The following SSBP3 variants were observed in gnomAD, a reference collection of about 807,000 sequenced individuals.
SSBP3 encodes the protein single-stranded DNA-binding protein 3.
In SSBP3, 5 loss-of-function variants were observed where a neutral mutation model predicts 69.6. The ratio of observed to expected loss-of-function variants is 0.07; its 90% confidence interval spans 0.04 to 0.15. SSBP3 has a LOEUF of 0.15. Ranked by LOEUF, SSBP3 falls within the 10% of genes least tolerant of loss-of-function variation. SSBP3 has a pLI of 1.00. For synonymous variants in SSBP3, 196 were observed against 193.4 expected (o/e 1.01, Z -0.11); for missense variants, 312 against 534.0 (o/e 0.58, Z 4.10).
chr1:54,296,434 A>G (rs1334406518), intron 4 of SSBP3, among the ~76,000 whole-genome samples: 3 of 152,216 alleles, frequency 2.0e-5, no homozygotes, highest in Non-Finnish European at 1.5e-5. Context: ...GGCCATTGCC[A>G]TGGTCCTCTC....
upstream of SSBP3, among the ~76,000 whole-genome samples, chr1:54,407,267 G>T (rs1358320713): frequency 1.3e-5 from 2 of 152,228 alleles, no homozygotes; most frequent in African/African-American, 2.4e-5. Context: ...TTCTGCACGG[G>T]AAAGGGTGCC....
intron 14 of SSBP3, chr1:54,237,945 G>A (rs1038063012): frequency 3.3e-5 from 12 of 363,432 alleles, no homozygotes; most frequent in Middle Eastern, 9.9e-4. Flanking sequence ...GATCATCCAC[G>A]CCATTTCCAT....
chr1:54,262,227 G>A (rs1260998672), intron 5 of SSBP3, among the ~76,000 whole-genome samples: 2 of 152,210 alleles, frequency 1.3e-5, no homozygotes, highest in Non-Finnish European at 2.9e-5. Flanking sequence ...ACTCCTCGCA[G>A]TAAGGGATCA....
chr1:54,242,653 A>G (rs1294044310), intron 10 of SSBP3, among the ~76,000 whole-genome samples: 1 of 152,118 alleles, frequency 6.6e-6, no homozygotes, highest in Non-Finnish European at 1.5e-5. Flanking sequence ...GGGGGTTATA[A>G]TAATAACCGC....
At chr1:54,378,388 T>C (rs1647352809) in intron 4 of SSBP3, among the ~76,000 whole-genome samples, 1 of 152,170 alleles carries the variant, frequency 6.6e-6, no homozygotes, top group Admixed American at 6.5e-5. Flanking sequence ...GCGTCCATAT[T>C]TCTGGGCCAC....
intron 4 of SSBP3, among the ~76,000 whole-genome samples, chr1:54,389,253 ATT>A (rs1361219881): frequency 6.6e-6 from 1 of 152,162 alleles, no homozygotes; most frequent in East Asian, 1.9e-4. Flanking sequence ...TAAATAAAAT[ATT>A]TTCAAGCCTG....
intron 14 of SSBP3, among the ~76,000 whole-genome samples, chr1:54,233,661 T>C (rs1238376051): frequency 8.0e-6 from 1 of 125,346 alleles, no homozygotes; most frequent in African/African-American, 3.1e-5. Flanking sequence ...CCGCCCCTAC[T>C]GGGAAGTGAG....
At chr1:54,345,519 A>G (rs1026935311) in intron 4 of SSBP3, among the ~76,000 whole-genome samples, 1 of 152,190 alleles carries the variant, frequency 6.6e-6, no homozygotes, top group African/African-American at 2.4e-5. Flanking sequence ...AGCTGGCCTC[A>G]AAAGTAATAG....
intron 4 of SSBP3, among the ~76,000 whole-genome samples, chr1:54,384,480 G>A (rs1647931497): frequency 6.6e-6 from 1 of 152,254 alleles, no homozygotes; most frequent in Non-Finnish European, 1.5e-5. Context: ...CCAAGCGTCA[G>A]GGCCTCAGTT....
At position 54,360,114 on chromosome 1, in the gene SSBP3, C is replaced by T. The variant is rs547638821; in HGVS notation, c.276+41747G>A. On this transcript the variant is annotated intron_variant, in intron 4 of 17. Coordinates refer to ENST00000610401, the Ensembl canonical transcript of SSBP3. ...TAAGCCAACCAAGTATCTTTTCTCT[C>T]GGTTTTGGAATCAATTACATAACTT... Among the ~76,000 whole-genome samples the T allele has an allele frequency of 3.9e-5, 6 of 152,310 alleles. No homozygotes were observed. The South Asian group carries it at 6.2e-4, about 16-fold the overall frequency.
chr1:54,225,499 A>G, exon 18 of SSBP3: 3 of 1,113,644 alleles, frequency 2.7e-6, no homozygotes, highest in Middle Eastern at 4.8e-4. Flanking sequence ...ACAATGTATC[A>G]TAATTACTTT....
At position 54,316,674 on chromosome 1, in the gene SSBP3, AAAT is replaced by A. The variant is rs1186993057; in HGVS notation, c.277-35150_277-35148del. ...AAAAAAAAAAATAAAATAAATAAAT[AAAT>A]AAATAAATAAATAAATAAATAAATA... is the stretch of plus-strand genomic sequence containing the variant. On this transcript the variant is annotated intron_variant, in intron 4 of 17. Coordinates refer to ENST00000610401, the Ensembl canonical transcript of SSBP3. Among the ~76,000 whole-genome samples, 17 of 94,356 alleles carry A rather than the reference AAAT, an allele frequency of 1.8e-4. 1 individual carries two copies. The East Asian group carries it at 2.8e-3, about 15-fold the overall frequency. The allele number at this position is 94,356 out of a possible 152,430, so 61.9% of individuals were successfully genotyped here. A position where few individuals can be genotyped will look rare whatever the true frequency, so the allele number is the denominator to read the frequency against.
intron 15 of SSBP3, 46 bp downstream of exon 15, chr1:54,228,702 G>C (rs778735580): frequency 4.5e-6 from 7 of 1,547,678 alleles, no homozygotes; most frequent in Non-Finnish European, 6.1e-6. Context: ...GCACAGAGCT[G>C]GCTGCCCAGG....
At chr1:54,299,689 T>G (rs532956253) in intron 4 of SSBP3, among the ~76,000 whole-genome samples, 2 of 152,218 alleles carry the variant, frequency 1.3e-5, no homozygotes, top group Non-Finnish European at 2.9e-5. Flanking sequence ...ACCACCCCAG[T>G]GTCTGCCTTC....
intron 4 of SSBP3, among the ~76,000 whole-genome samples, chr1:54,369,312 T>TGGGGGGGGAGGGGGGG (rs60597425): frequency 2.8e-4 from 12 of 42,848 alleles, no homozygotes; most frequent in South Asian, 9.8e-4. Context: ...GGGACGGGGG[T>TGGGGGGGGAGGGGGGG]GGGGGGGCAC....
intron 5 of SSBP3, among the ~76,000 whole-genome samples, chr1:54,276,297 C>A (rs1046409881): frequency 5.9e-5 from 9 of 152,198 alleles, no homozygotes; most frequent in South Asian, 4.2e-4. Flanking sequence ...CTCTGTCACG[C>A]AGCATCCATC....
At chr1:54,380,563 C>T (rs773654471) in intron 4 of SSBP3, among the ~76,000 whole-genome samples, 1 of 152,202 alleles carries the variant, frequency 6.6e-6, no homozygotes, top group East Asian at 1.9e-4. Flanking sequence ...ACAGCTCTGG[C>T]CAGGGCCAGC....
At position 54,404,840 on chromosome 1, in the gene SSBP3, G is replaced by C. The variant is rs776532430; in HGVS notation, c.129+18C>G. ...GGGGGGTGTCAAGAAATTGGATGCT[G>C]GGGGGAGTCCCACTCACCTCCGATA... is the stretch of plus-strand genomic sequence containing the variant. On this transcript the variant is annotated intron_variant, in intron 2 of 17. Transcript: ENST00000610401. 3 of 1,572,704 alleles carry C rather than the reference G, an allele frequency of 1.9e-6. No homozygotes were observed. The highest frequency in any genetic ancestry group is 2.6e-6 in the Non-Finnish European group (3 of 1,145,738).
intron 5 of SSBP3, among the ~76,000 whole-genome samples, chr1:54,259,583 G>C (rs1007334905): frequency 8.5e-5 from 13 of 152,362 alleles, no homozygotes; most frequent in East Asian, 1.9e-4. Flanking sequence ...ATGTGCACAG[G>C]GGGTGAGTGT....
Sources: gnomAD v4.1 joint callset for allele counts (sites outside exome capture counted in the v4.1 genomes callset) on GRCh38, gnomAD v4.1.1 for gene constraint, MANE v1.5 for transcripts, NCBI Gene and HGNC (gene_info 2026-07-23, HGNC 2026-07-21) for gene names.